GPR158: variants seen among roughly 807,000 people sequenced by gnomAD.
GPR158 encodes G protein-coupled receptor 158.
GPR158 carries 30 observed loss-of-function variants against 78.2 expected under a neutral mutation model. The observed-to-expected ratio is 0.38, with a 90% CI of 0.29 to 0.52. GPR158 has a LOEUF of 0.52. Ranked by LOEUF, GPR158 falls within the 20% of genes least tolerant of loss-of-function variation. The probability of loss-of-function intolerance (pLI) is 0.83; values close to 1 mark genes in which losing one functional copy is unlikely to be tolerated. For synonymous variants in GPR158, 581 were observed against 591.1 expected, an observed-to-expected ratio of 0.98 and a Z score of 0.25; for missense variants, 1,463 against 1,523.5, an observed-to-expected ratio of 0.96 and a Z score of 0.66.
intron 4 of GPR158, among the ~76,000 whole-genome samples, chr10:25,426,308 G>A (rs1334063069): frequency 6.6e-6 from 1 of 152,118 alleles, no homozygotes; most frequent in African/African-American, 2.4e-5. Flanking sequence ...ACATTCGTAT[G>A]TTCACTGGAG....
chr10:25,299,091 A>G (rs1189729967), intron 2 of GPR158, among the ~76,000 whole-genome samples: 1 of 152,184 alleles, frequency 6.6e-6, no homozygotes, highest in African/African-American at 2.4e-5. Flanking sequence ...CTGCACTTAG[A>G]ATAGTTTGAA....
At chr10:25,470,553 C>T (rs1369295941) in intron 5 of GPR158, among the ~76,000 whole-genome samples, 1 of 152,134 alleles carries the variant, frequency 6.6e-6, no homozygotes, top group African/African-American at 2.4e-5. Context: ...CAGACTAAGA[C>T]AATCAGTATT....
At chr10:25,205,116 A>G (rs1211014058) in intron 1 of GPR158, among the ~76,000 whole-genome samples, 2 of 152,080 alleles carry the variant, frequency 1.3e-5, no homozygotes, top group Non-Finnish European at 2.9e-5. Flanking sequence ...ATCTTCCACT[A>G]TGATTGTGAG....
At chr10:25,267,467 C>T (rs560155112) in intron 2 of GPR158, among the ~76,000 whole-genome samples, 73 of 152,162 alleles carry the variant, frequency 4.8e-4, no homozygotes, top group African/African-American at 1.6e-3. Flanking sequence ...ATCCCTCCCA[C>T]GACATGTGGG....
intron 2 of GPR158, among the ~76,000 whole-genome samples, chr10:25,233,375 G>A (rs1853478896): frequency 6.6e-6 from 1 of 150,690 alleles, no homozygotes; most frequent in Non-Finnish European, 1.5e-5. Context: ...GCATGCAAAA[G>A]CAGTTTCTTT....
chr10:25,358,717 T>C (rs1855587267), intron 2 of GPR158, among the ~76,000 whole-genome samples: 1 of 152,104 alleles, frequency 6.6e-6, no homozygotes, highest in Admixed American at 6.6e-5. Context: ...ATCAGCAGCA[T>C]GAAAACAGAC....
At chr10:25,590,256 C>T (rs1447183031) in intron 8 of GPR158, among the ~76,000 whole-genome samples, 2 of 152,100 alleles carry the variant, frequency 1.3e-5, no homozygotes, top group Non-Finnish European at 2.9e-5. Flanking sequence ...GAGGAGGTAT[C>T]TATGGTCTGA....
At chr10:25,256,241 A>G (rs1359202468) in intron 2 of GPR158, among the ~76,000 whole-genome samples, 1 of 152,196 alleles carries the variant, frequency 6.6e-6, no homozygotes, top group Non-Finnish European at 1.5e-5. Context: ...TACTATTATA[A>G]TCCAAAAATA....
At chr10:25,245,590 T>C (rs1413225703) in intron 2 of GPR158, among the ~76,000 whole-genome samples, 1 of 152,114 alleles carries the variant, frequency 6.6e-6, no homozygotes, top group Non-Finnish European at 1.5e-5. Flanking sequence ...TCATTGACAA[T>C]CTCCAAGATT....
At chr10:25,381,745 GAT>G (rs1834157777) in intron 2 of GPR158, among the ~76,000 whole-genome samples, 1 of 152,094 alleles carries the variant, frequency 6.6e-6, no homozygotes, top group Non-Finnish European at 1.5e-5. Context: ...TGAATTCAAA[GAT>G]ATTATTCATA....
At chr10:25,506,707 A>G (rs1468252993) in intron 5 of GPR158, among the ~76,000 whole-genome samples, 1 of 152,222 alleles carries the variant, frequency 6.6e-6, no homozygotes, top group Non-Finnish European at 1.5e-5. Context: ...ACAATTCAGG[A>G]AAATCCATAC....
intron 2 of GPR158, among the ~76,000 whole-genome samples, chr10:25,245,864 T>C (rs908165449): frequency 1.3e-5 from 2 of 152,154 alleles, no homozygotes; most frequent in African/African-American, 4.8e-5. Flanking sequence ...CAGATAAAAA[T>C]TATGAAATCT....
chr10:25,342,013 T>G (rs907804058), intron 2 of GPR158, among the ~76,000 whole-genome samples: 1 of 151,968 alleles, frequency 6.6e-6, no homozygotes. Flanking sequence ...TGCTCTTATT[T>G]TCAGTTCTAG....
intron 1 of GPR158, among the ~76,000 whole-genome samples, chr10:25,190,189 T>C (rs1430646434): frequency 2.0e-5 from 3 of 152,252 alleles, no homozygotes; most frequent in African/African-American, 7.2e-5. Flanking sequence ...TAAAGGAATA[T>C]TAGTACCTTA....
intron 3 of GPR158, among the ~76,000 whole-genome samples, chr10:25,396,360 G>A (rs1445635812): frequency 6.6e-6 from 1 of 152,118 alleles, no homozygotes; most frequent in Non-Finnish European, 1.5e-5. Flanking sequence ...TTATCAAGGT[G>A]TTTATATGTT....
intron 2 of GPR158, among the ~76,000 whole-genome samples, chr10:25,395,524 C>A (rs1834353231): frequency 6.6e-6 from 1 of 152,104 alleles, no homozygotes; most frequent in African/African-American, 2.4e-5. Context: ...ACCCACCTAC[C>A]TACCTTTGCT....
At chr10:25,190,105 T>A (rs773297935) in intron 1 of GPR158, among the ~76,000 whole-genome samples, 8 of 152,138 alleles carry the variant, frequency 5.3e-5, no homozygotes, top group Non-Finnish European at 1.0e-4. Context: ...GGAGTTAAGT[T>A]CTTGATGATT....
intron 2 of GPR158, among the ~76,000 whole-genome samples, chr10:25,305,967 T>A (rs1254050277): frequency 6.6e-6 from 1 of 152,178 alleles, no homozygotes; most frequent in Non-Finnish European, 1.5e-5. Context: ...GCGTTAATGA[T>A]TCATGTATTT....
chr10:25,516,366 T>G (rs1217874099), intron 5 of GPR158, among the ~76,000 whole-genome samples: 4 of 151,836 alleles, frequency 2.6e-5, no homozygotes, highest in Non-Finnish European at 5.9e-5. Flanking sequence ...CAGAAGCTCT[T>G]TAGTTTAATT....
Sources: allele counts gnomAD v4.1 joint callset (sites outside exome capture counted in the v4.1 genomes callset), GRCh38; gene constraint gnomAD v4.1.1; transcripts MANE v1.5; gene names NCBI Gene and HGNC (gene_info 2026-07-23, HGNC 2026-07-21).